LGALSL: variants seen among roughly 807,000 people sequenced by gnomAD.
The protein encoded by LGALSL is galectin-related protein.
LGALSL carries 13 observed loss-of-function variants against 19.5 expected under a neutral mutation model. The ratio of observed to expected loss-of-function variants is 0.67; its 90% confidence interval spans 0.43 to 1.06. The LOEUF (loss-of-function observed/expected upper bound fraction) is 1.06, where lower values mean the gene tolerates loss of function less well. Ranked by LOEUF, LGALSL falls within the 50% of genes least tolerant of loss-of-function variation. The pLI is 0.00. For missense variants in LGALSL, 189 were observed against 219.3 expected, an observed-to-expected ratio of 0.86 and a Z score of 0.87; for synonymous variants, 86 against 78.3, an observed-to-expected ratio of 1.10 and a Z score of -0.52.
At chr2:64,455,779 G>A in intron 3 of LGALSL, 102 bp downstream of exon 3, 2 of 830,730 alleles carry the variant, frequency 2.4e-6, no homozygotes. Flanking sequence ...TGTGGACAGT[G>A]TTGCTAGTTG....
In LGALSL at chr2:64,454,674, G is replaced by A; in HGVS notation, c.36+93G>A. The A allele has an allele frequency of 5.3e-6, 5 of 951,298 alleles. No individual in the cohort carries two copies. Among genetic ancestry groups the A allele is most frequent in the Middle Eastern group, 4.0e-4 (1 of 2,520 alleles). 58.9% of individuals were successfully genotyped at this position (951,298 alleles called of 1,614,324 possible). ...AGCAGTGCTGGGGTGCTGAGCAGCCGCAGGCCCGGCCGGCGCCCGGCGCGT... is the reference window on the plus strand; with the variant it reads ...AGCAGTGCTGGGGTGCTGAGCAGCCACAGGCCCGGCCGGCGCCCGGCGCGT... On this transcript the variant is annotated intron_variant, in intron 1 of 4. Coordinates refer to ENST00000238875, the MANE Select transcript of LGALSL (RefSeq NM_014181.3). This position sits in a 1 kb window ranked among gnomAD's most constrained non-coding sequence, Gnocchi z 5.1.
intron 4 of LGALSL, among the ~76,000 whole-genome samples, chr2:64,457,767 C>T (rs147547128): frequency 2.4e-4 from 36 of 152,220 alleles, no homozygotes; most frequent in African/African-American, 8.7e-4. Flanking sequence ...CTCCTCATCC[C>T]CTTCTCTAGA....
chr2:64,455,893 C>A (rs925668148), intron 3 of LGALSL, among the ~76,000 whole-genome samples: 1 of 151,494 alleles, frequency 6.6e-6, no homozygotes, highest in Non-Finnish European at 1.5e-5. Flanking sequence ...AATATAGGCC[C>A]ACATTTTCTC....
rs1360304658 is a variant in LGALSL at position 64,460,639 on chromosome 2, A to T, written c.*2211A>T. On this transcript the variant is annotated 3_prime_UTR_variant, in exon 5 of 5. Coordinates refer to ENST00000238875, the MANE Select transcript of LGALSL (RefSeq NM_014181.3). ...TTTGTTTCTCTGTGAGGTTAGTGGG[A>T]ACCGCTTGGATAAGCCTATTGGGAT... is the stretch of plus-strand genomic sequence containing the variant. 6.6e-6 allele frequency: 1 copy of T among 152,216 alleles called. No homozygotes were observed. Among genetic ancestry groups the T allele is most frequent in the East Asian group, 1.9e-4 (1 of 5,206 alleles). The allele number at this position is 152,216 out of a possible 1,614,324, so 9.4% of individuals were successfully genotyped here.
rs764385949 is a variant in LGALSL, at chr2:64,454,599, C to T, written c.36+18C>T. On this transcript the variant is annotated intron_variant, in intron 1 of 4. Coordinates refer to ENST00000238875, the MANE Select transcript of LGALSL (RefSeq NM_014181.3). This position sits in a 1 kb window ranked among gnomAD's most constrained non-coding sequence, Gnocchi z 5.1. Reference sequence around the variant, plus strand: ...CCGTGGTGGTGAGTGTGGCAGGGCGCGCGCGAGGCGCCCCTCCCCGCCGTC... The same window carrying T: ...CCGTGGTGGTGAGTGTGGCAGGGCGTGCGCGAGGCGCCCCTCCCCGCCGTC... 2.1e-6 allele frequency: 3 copies of T among 1,401,770 alleles called. No individual in the cohort carries two copies. The highest frequency in any genetic ancestry group is 1.5e-5 in the African/African-American group (1 of 67,090). The allele number at this position is 1,401,770 out of a possible 1,614,324, so 86.8% of individuals were successfully genotyped here. A position where few individuals can be genotyped will look rare whatever the true frequency, so the allele number is the denominator to read the frequency against.
At chr2:64,456,218 A>G in intron 3 of LGALSL, 70 bp from the exon 4 acceptor site, 2 of 1,370,554 alleles carry the variant, frequency 1.5e-6, no homozygotes, top group Non-Finnish European at 2.0e-6. Flanking sequence ...AAGAAGAAAT[A>G]TAAGCACTTG....
At position 64,458,523 on chromosome 2, in the gene LGALSL, AG is replaced by A. The variant is rs1371390986; in HGVS notation, c.*96del. On this transcript the variant is annotated 3_prime_UTR_variant, in exon 5 of 5. Coordinates refer to ENST00000238875, the MANE Select transcript of LGALSL (RefSeq NM_014181.3). ...CCTAGCAAGATCTGGAGACTTAAAAAGAAAACAAAAACAAATGGCAAGTTTC... is the reference window on the plus strand; with the variant it reads ...CCTAGCAAGATCTGGAGACTTAAAAAAAAACAAAAACAAATGGCAAGTTTC... The A allele has an allele frequency of 1.6e-6, 2 of 1,285,896 alleles. No homozygotes were observed. Among genetic ancestry groups the A allele is most frequent in the African/African-American group, 3.0e-5 (2 of 66,770 alleles). The allele number at this position is 1,285,896 out of a possible 1,614,324, so 79.7% of individuals were successfully genotyped here.
chr2:64,455,727 C>T (rs1273545062), intron 3 of LGALSL, 50 bp downstream of exon 3: 1 of 1,347,728 alleles, frequency 7.4e-7, no homozygotes, highest in Non-Finnish European at 1.1e-6. Flanking sequence ...TGGCTGAGCC[C>T]TGCCCACTTC....
At position 64,458,263 on chromosome 2, in the gene LGALSL, A is replaced by G. The variant is rs373333266; in HGVS notation, c.376-22A>G. 4.1e-5 allele frequency: 66 copies of G among 1,610,482 alleles called. No homozygotes were observed. The African/African-American group carries it at 6.8e-4, about 17-fold the overall frequency. On this transcript the variant is annotated intron_variant, in intron 4 of 4. Coordinates refer to ENST00000238875, the MANE Select transcript of LGALSL (RefSeq NM_014181.3). The stretch of plus-strand genomic sequence containing the variant: ...CCAGTAGCGTTCATTGAAATTGTGG[A>G]TTATTATTTTGTTTCTTCCAGGTGG...
At chr2:64,456,576 A>T (rs1193796074) in intron 4 of LGALSL, 111 bp downstream of exon 4, 2 of 834,334 alleles carry the variant, frequency 2.4e-6, no homozygotes, top group East Asian at 5.7e-5. Context: ...ATGTCCAGGA[A>T]ATTTGTCACC....
chr2:64,455,346 A>G lies in LGALSL; in HGVS notation c.39A>G (p.Lys13=). 3.1e-6 allele frequency: 5 copies of G among 1,611,412 alleles called. No individual in the cohort carries two copies. The highest frequency in any genetic ancestry group is 4.2e-6 in the Non-Finnish European group (5 of 1,177,534). ...AATCTGTGTACTTCTATTTTTAGAA[A>G]CTAGATGATGGCCATTTAAACAACT... ...GSVADSDAVV[K]LDDGHLNNSL... Residue 13 remains lysine, a splice_region_variant and synonymous_variant, in exon 2 of 5, where the codon AAA becomes AAG. Coordinates refer to ENST00000238875, the MANE Select transcript of LGALSL (RefSeq NM_014181.3).
At chr2:64,456,885 G>A (rs1686745025) in intron 4 of LGALSL, among the ~76,000 whole-genome samples, 1 of 152,138 alleles carries the variant, frequency 6.6e-6, no homozygotes, top group Non-Finnish European at 1.5e-5. Context: ...ATATGATGAT[G>A]ATCATTTCAT....
At position 64,460,217 on chromosome 2, in the gene LGALSL, C is replaced by G. The variant is rs1686796358; in HGVS notation, c.*1789C>G. The stretch of plus-strand genomic sequence containing the variant: ...TGTATTATATAAGAAGACACTGTAT[C>G]CAACAAGACTGGCTGTACATTGAAA... On this transcript the variant is annotated 3_prime_UTR_variant, in exon 5 of 5. Coordinates refer to ENST00000238875, the MANE Select transcript of LGALSL (RefSeq NM_014181.3). The G allele has an allele frequency of 1.3e-5, 2 of 152,138 alleles. No individual in the cohort carries two copies. The highest frequency in any genetic ancestry group is 4.1e-4 in the South Asian group (2 of 4,828). 9.4% of individuals were successfully genotyped at this position (152,138 alleles called of 1,614,324 possible).
Position 64,454,706 on chromosome 2 carries a change from G to T in LGALSL, c.36+125G>T, listed in dbSNP as rs1686703074. On this transcript the variant is annotated intron_variant, in intron 1 of 4. Coordinates refer to ENST00000238875, the MANE Select transcript of LGALSL (RefSeq NM_014181.3). This position sits in a 1 kb window ranked among gnomAD's most constrained non-coding sequence, Gnocchi z 5.1. ...CGGCCGGCGCCCGGCGCGTGGGAAG[G>T]CGCCCGGTACCTGTTAGCAGCCGCT... 5.0e-6 allele frequency: 3 copies of T among 605,798 alleles called. No individual in the cohort carries two copies. The highest frequency in any genetic ancestry group is 7.0e-6 in the Non-Finnish European group (3 of 427,936). The allele number at this position is 605,798 out of a possible 1,614,324, so 37.5% of individuals were successfully genotyped here.
At chr2:64,455,498 A>G in intron 2 of LGALSL, 83 bp downstream of exon 2, 2 of 1,501,410 alleles carry the variant, frequency 1.3e-6, no homozygotes, top group South Asian at 2.3e-5. Context: ...TGTTTATTGC[A>G]TTTTCCAGTG....
rs1022067463 is a variant in LGALSL at position 64,460,291 on chromosome 2, G to A, written c.*1863G>A. 2.0e-5 allele frequency: 3 copies of A among 152,138 alleles called. No individual in the cohort carries two copies. The highest frequency in any genetic ancestry group is 6.5e-5 in the Admixed American group (1 of 15,276). 9.4% of individuals were successfully genotyped at this position (152,138 alleles called of 1,614,324 possible). Reference sequence around the variant, plus strand: ...TTTAACCATATTCAGCCTGTTCCGTGGGGGCTGTTCTGTGGTTCCAGGTAT... The same window carrying A: ...TTTAACCATATTCAGCCTGTTCCGTAGGGGCTGTTCTGTGGTTCCAGGTAT... On this transcript the variant is annotated 3_prime_UTR_variant, in exon 5 of 5. Transcript: ENST00000238875.
rs1020049322 is a variant in LGALSL at position 64,460,828 on chromosome 2, C to A, written c.*2400C>A. 1 of 152,094 alleles carries A rather than the reference C, an allele frequency of 6.6e-6. No homozygotes were observed. The highest frequency in any genetic ancestry group is 1.5e-5 in the Non-Finnish European group (1 of 68,010). The allele number at this position is 152,094 out of a possible 1,614,324, so 9.4% of individuals were successfully genotyped here. A position where few individuals can be genotyped will look rare whatever the true frequency, so the allele number is the denominator to read the frequency against. On this transcript the variant is annotated 3_prime_UTR_variant, in exon 5 of 5. Transcript: ENST00000238875. Reference sequence around the variant, plus strand: ...TGTAAAGCTTCCACAGGAAAGTATTCGGGTATGTAAGGTGTTATTTCTGAC... The same window carrying A: ...TGTAAAGCTTCCACAGGAAAGTATTAGGGTATGTAAGGTGTTATTTCTGAC...
At chr2:64,455,758 C>T (rs748630339) in intron 3 of LGALSL, 81 bp downstream of exon 3, 7 of 988,548 alleles carry the variant, frequency 7.1e-6, no homozygotes, top group Non-Finnish European at 9.7e-6. Flanking sequence ...TAGCACTCCT[C>T]TTCCTCTCCT....
Position 64,454,659 on chromosome 2 carries a change from G to T in LGALSL, c.36+78G>T. Reference sequence around the variant, plus strand: ...GCCGCCGCCTGCTCCAGCAGTGCTGGGGTGCTGAGCAGCCGCAGGCCCGGC... The same window carrying T: ...GCCGCCGCCTGCTCCAGCAGTGCTGTGGTGCTGAGCAGCCGCAGGCCCGGC... On this transcript the variant is annotated intron_variant, in intron 1 of 4. Coordinates refer to ENST00000238875, the MANE Select transcript of LGALSL (RefSeq NM_014181.3). This position sits in a 1 kb window ranked among gnomAD's most constrained non-coding sequence, Gnocchi z 5.1. 9.3e-7 allele frequency: 1 copy of T among 1,080,302 alleles called. No individual in the cohort carries two copies. Among genetic ancestry groups the T allele is most frequent in the East Asian group, 3.5e-5 (1 of 28,434 alleles). 66.9% of individuals were successfully genotyped at this position (1,080,302 alleles called of 1,614,324 possible).
Sources: gnomAD v4.1 joint callset for allele counts (sites outside exome capture counted in the v4.1 genomes callset) on GRCh38, gnomAD v4.1.1 for gene constraint, Gnocchi (gnomAD v3.1) non-coding constraint, MANE v1.5 for transcripts, NCBI Gene and HGNC (gene_info 2026-07-23, HGNC 2026-07-21) for gene names.